GRAMD1B: variants seen among roughly 807,000 people sequenced by gnomAD.
The protein encoded by GRAMD1B is protein Aster-B.
Under a neutral mutation model 99.7 loss-of-function variants are expected in GRAMD1B, and 37 were observed. The ratio of observed to expected loss-of-function variants is 0.37; its 90% confidence interval spans 0.29 to 0.49. The LOEUF (loss-of-function observed/expected upper bound fraction) is 0.49, where lower values mean the gene tolerates loss of function less well. GRAMD1B is among the 20% of genes least tolerant of loss of function. The pLI is 0.98. For missense variants in GRAMD1B, 888 were observed against 1,009.2 expected, an observed-to-expected ratio of 0.88 and a Z score of 1.63; for synonymous variants, 427 against 387.6, an observed-to-expected ratio of 1.10 and a Z score of -1.19.
intron 1 of GRAMD1B, among the ~76,000 whole-genome samples, chr11:123,372,266 TAAGA>T (rs909183522): frequency 6.6e-6 from 1 of 152,230 alleles, no homozygotes; most frequent in African/African-American, 2.4e-5. Flanking sequence ...GAATTCTAGA[TAAGA>T]AATACTAATA....
At chr11:123,413,905 GT>G (rs1948138207) in intron 1 of GRAMD1B, among the ~76,000 whole-genome samples, 1 of 152,184 alleles carries the variant, frequency 6.6e-6, no homozygotes, top group African/African-American at 2.4e-5. Context: ...GAAAAAAGTG[GT>G]TGTTCTGAGA....
chr11:123,452,135 G>A (rs193107485), intron 1 of GRAMD1B, among the ~76,000 whole-genome samples: 245 of 152,240 alleles, frequency 1.6e-3, no homozygotes, highest in Non-Finnish European at 2.4e-3. Context: ...CACCCAGTCC[G>A]ACAGCAGATT....
chr11:123,595,942 C>T lies in GRAMD1B; in HGVS notation c.874C>T (p.Leu292=). ...CATTCTCTGTCCTCTTGGATGCCAG[C>T]TGACAGTCCGTTTGAAAGACATCTG... ...YSNIFRWETL[L]TVRLKDICSM... The change falls in exon 7 of 20, where the codon CTG becomes TTG. Residue 292 remains leucine, a splice_region_variant and synonymous_variant. Coordinates refer to ENST00000635736, the MANE Select transcript of GRAMD1B (RefSeq NM_001387025.1). 1 of 1,591,592 alleles carries T rather than the reference C, an allele frequency of 6.3e-7. No homozygotes were observed. Among genetic ancestry groups the T allele is most frequent in the South Asian group, 1.1e-5 (1 of 88,024 alleles).
chr11:123,465,134 C>T (rs1950602851), intron 1 of GRAMD1B, among the ~76,000 whole-genome samples: 1 of 152,004 alleles, frequency 6.6e-6, no homozygotes, highest in Admixed American at 6.6e-5. Flanking sequence ...GATGGCATTG[C>T]TGGAGGAGAA....
At chr11:123,374,318 G>A (rs1332688371) in intron 1 of GRAMD1B, among the ~76,000 whole-genome samples, 3 of 152,248 alleles carry the variant, frequency 2.0e-5, no homozygotes, top group East Asian at 3.9e-4. Context: ...ACAAAGAATG[G>A]TAATGCAAAA....
At position 123,610,463 on chromosome 11, in the gene GRAMD1B, T is replaced by G. The variant is rs755899057; in HGVS notation, c.1919+125T>G. ...GCTGCTGACTCTCTTTATTCTACTT[T>G]CTCTCCGAAGCCTTATGAGGCTCAC... On this transcript the variant is annotated intron_variant, in intron 14 of 19. Coordinates refer to ENST00000635736, the MANE Select transcript of GRAMD1B (RefSeq NM_001387025.1). This position sits in a 1 kb window ranked among gnomAD's most constrained non-coding sequence, Gnocchi z 4.1. 2 of 918,652 alleles carry G rather than the reference T, an allele frequency of 2.2e-6. No individual in the cohort carries two copies. The highest frequency in any genetic ancestry group is 3.4e-6 in the Non-Finnish European group (2 of 580,758). 56.9% of individuals were successfully genotyped at this position (918,652 alleles called of 1,614,324 possible).
At chr11:123,507,565 C>A (rs1337930207) in intron 2 of GRAMD1B, among the ~76,000 whole-genome samples, 2 of 152,142 alleles carry the variant, frequency 1.3e-5, no homozygotes, top group Non-Finnish European at 2.9e-5. Context: ...TACATCCTTC[C>A]CCCTTACCTC....
intron 2 of GRAMD1B, among the ~76,000 whole-genome samples, chr11:123,518,161 C>T (rs888851362): frequency 6.6e-6 from 1 of 152,118 alleles, no homozygotes; most frequent in East Asian, 1.9e-4. Context: ...GACAGCAGGG[C>T]TCTTACCTCC....
chr11:123,386,698 C>G (rs1210184863), intron 1 of GRAMD1B, among the ~76,000 whole-genome samples: 1 of 152,190 alleles, frequency 6.6e-6, no homozygotes. Context: ...ATCTGCCTGC[C>G]TCAGCCTCGC....
chr11:123,366,248 A>G (rs1173369962), intron 1 of GRAMD1B, among the ~76,000 whole-genome samples: 2 of 152,236 alleles, frequency 1.3e-5, no homozygotes, highest in Admixed American at 1.3e-4. Context: ...AGATCAACCC[A>G]AGCTGAATGA....
rs564097077 is a variant in GRAMD1B, at chr11:123,600,561, G to A, written c.1050+13G>A. 1,192 of 1,585,942 alleles carry A rather than the reference G, an allele frequency of 7.5e-4. 16 individuals carry two copies. The South Asian group carries it at 0.012, about 16-fold the overall frequency. ...TCTCCTTGAAAAGGTAAGTACGGCC[G>A]AGTTTGCTTTTACTGTGGGACTGGC... On this transcript the variant is annotated intron_variant, in intron 8 of 19. Transcript: ENST00000635736.
At chr11:123,583,257 G>C (rs1949622895) in intron 3 of GRAMD1B, among the ~76,000 whole-genome samples, 1 of 150,648 alleles carries the variant, frequency 6.6e-6, no homozygotes, top group Admixed American at 6.6e-5. Context: ...GAATGTGTGT[G>C]CACATGCGCA....
chr11:123,403,167 G>A (rs1264243521), intron 1 of GRAMD1B, among the ~76,000 whole-genome samples: 1 of 152,086 alleles, frequency 6.6e-6, no homozygotes, highest in Non-Finnish European at 1.5e-5. Flanking sequence ...GCTCACGCCT[G>A]TAATCCCAGC....
chr11:123,480,753 G>T, intron 1 of GRAMD1B, 63 bp from the exon 2 acceptor site: 1 of 398,632 alleles, frequency 2.5e-6, no homozygotes, highest in South Asian at 1.3e-4. Context: ...AAGTCTAAGT[G>T]ACCTCCCCCA....
intron 1 of GRAMD1B, among the ~76,000 whole-genome samples, chr11:123,379,031 G>A (rs117083044): frequency 0.015 from 2,240 of 152,234 alleles, 26 homozygotes; most frequent in Middle Eastern, 0.031. Context: ...GTCTAAAGAG[G>A]AACAAGGGAA....
chr11:123,497,098 T>G (rs1161696977), intron 2 of GRAMD1B, among the ~76,000 whole-genome samples: 1 of 152,174 alleles, frequency 6.6e-6, no homozygotes, highest in Non-Finnish European at 1.5e-5. Context: ...CTTATTCTTT[T>G]TGTGAAGGCT....
intron 1 of GRAMD1B, among the ~76,000 whole-genome samples, chr11:123,477,764 CTTCCCTTTTCT>C (rs1385358653): frequency 3.7e-4 from 49 of 132,778 alleles, no homozygotes; most frequent in Non-Finnish European, 6.8e-4. Context: ...TTCCCTTTTC[CTTCCCTTTTCT>C]TCTCTTTTTT....
intron 5 of GRAMD1B, 91 bp downstream of exon 5, chr11:123,594,257 C>A: frequency 1.2e-6 from 1 of 851,988 alleles, no homozygotes; most frequent in Non-Finnish European, 2.0e-6. Context: ...GGCCTCAAGC[C>A]AACCCAGGTA....
intron 1 of GRAMD1B, among the ~76,000 whole-genome samples, chr11:123,442,368 T>A (rs565352083): frequency 3.7e-4 from 57 of 152,244 alleles, no homozygotes; most frequent in Non-Finnish European, 7.5e-4. Context: ...ACTAGAGCTG[T>A]TACCAGAAAG....
Sources: gnomAD v4.1 joint callset for allele counts (sites outside exome capture counted in the v4.1 genomes callset) on GRCh38, gnomAD v4.1.1 for gene constraint, Gnocchi (gnomAD v3.1) non-coding constraint, MANE v1.5 for transcripts, NCBI Gene and HGNC (gene_info 2026-07-23, HGNC 2026-07-21) for gene names.